SGCZ: variants seen among roughly 807,000 people sequenced by gnomAD.
SGCZ encodes zeta-sarcoglycan.
In SGCZ, 40 loss-of-function variants were observed where a neutral mutation model predicts 41.3. That is an observed-to-expected ratio of 0.97 (90% CI 0.75 to 1.26). SGCZ has a LOEUF of 1.26. Ranked by LOEUF, SGCZ falls within the 50% of genes most tolerant of loss-of-function variation. The pLI is 0.00. For missense variants in SGCZ, 552 were observed against 369.8 expected, an observed-to-expected ratio of 1.49 and a Z score of -4.04; for synonymous variants, 206 against 137.5, an observed-to-expected ratio of 1.50 and a Z score of -3.49.
chr8:14,139,577 T>C (rs550328503), intron 5 of SGCZ, among the ~76,000 whole-genome samples: 2 of 152,144 alleles, frequency 1.3e-5, no homozygotes, highest in South Asian at 4.2e-4. Context: ...ACAAATAAAC[T>C]AGAAAATCTA....
chr8:14,440,671 G>A (rs1190840516), intron 2 of SGCZ, among the ~76,000 whole-genome samples: 2 of 93,338 alleles, frequency 2.1e-5, no homozygotes, highest in African/African-American at 7.6e-5. Context: ...GTGTCTGTAT[G>A]TATATACATA....
rs535198233 is a variant in SGCZ at position 14,991,315 on chromosome 8, T to A, written c.39+246270A>T. 4.6e-5 allele frequency among the ~76,000 whole-genome samples: 7 copies of A among 152,244 alleles called. No homozygotes were observed. In the South Asian group the frequency reaches 1.2e-3, roughly 27 times the overall value. ...AAATATGATACAAGGACAAGCAGCA[T>A]CAGCACCACCAAGGAGTTTGTTGAA... On this transcript the variant is annotated intron_variant, in intron 1 of 7. Coordinates refer to ENST00000382080, the MANE Select transcript of SGCZ (RefSeq NM_139167.4).
intron 2 of SGCZ, among the ~76,000 whole-genome samples, chr8:14,471,046 G>GA (rs1288439888): frequency 2.0e-5 from 3 of 152,046 alleles, no homozygotes; most frequent in Non-Finnish European, 1.5e-5. Context: ...GAATACTTTG[G>GA]AAAAAAACAC....
intron 2 of SGCZ, among the ~76,000 whole-genome samples, chr8:14,334,346 G>A (rs1365943613): frequency 2.0e-5 from 3 of 151,952 alleles, no homozygotes; most frequent in Admixed American, 6.6e-5. Context: ...CAACAATCCT[G>A]TAAAACTGAC....
chr8:14,514,316 G>A (rs1195230087), intron 2 of SGCZ, among the ~76,000 whole-genome samples: 1 of 151,958 alleles, frequency 6.6e-6, no homozygotes, highest in African/African-American at 2.4e-5. Context: ...ATATAAATAG[G>A]CTTATTTTTG....
At chr8:14,879,377 C>G (rs1219907231) in intron 1 of SGCZ, 2 of 151,684 alleles carry the variant, frequency 1.3e-5, no homozygotes, top group African/African-American at 4.8e-5. Flanking sequence ...AGAAAAACAA[C>G]AAAACAAAAG....
Position 14,810,709 on chromosome 8 carries a change from C to T in SGCZ, c.40-255783G>A, listed in dbSNP as rs760376873. ...TTTCAACTTCTGGTTCAGTGACTTC[C>T]TGGCAGTAGCTTGAAATCAGCTATA... On this transcript the variant is annotated intron_variant, in intron 1 of 7. Transcript: ENST00000382080. Among the ~76,000 whole-genome samples, 66 of 151,974 alleles carry T rather than the reference C, an allele frequency of 4.3e-4. 1 individual carries two copies. Among genetic ancestry groups the T allele is most frequent in the Non-Finnish European group, 1.2e-4 (8 of 67,906 alleles).
At chr8:14,700,945 G>T (rs879350306) in intron 1 of SGCZ, among the ~76,000 whole-genome samples, 3 of 151,830 alleles carry the variant, frequency 2.0e-5, no homozygotes, top group Non-Finnish European at 4.4e-5. Flanking sequence ...GTGAAAGAAA[G>T]AAGAAATATA....
intron 2 of SGCZ, among the ~76,000 whole-genome samples, chr8:14,414,541 T>G (rs1799444818): frequency 6.6e-6 from 1 of 151,972 alleles, no homozygotes; most frequent in Non-Finnish European, 1.5e-5. Context: ...ATTAAACTTA[T>G]AAACCTCTTC....
chr8:15,236,440 G>GGGGC (rs958936492), intron 1 of SGCZ, among the ~76,000 whole-genome samples: 5 of 146,146 alleles, frequency 3.4e-5, no homozygotes, highest in African/African-American at 1.4e-4. Context: ...TCCAGCGGGT[G>GGGGC]GGGGGGTGCC....
At chr8:14,615,776 T>A (rs1207173211) in intron 1 of SGCZ, among the ~76,000 whole-genome samples, 1 of 152,220 alleles carries the variant, frequency 6.6e-6, no homozygotes. Context: ...AGAAATACTC[T>A]GTACCTCGCA....
intron 3 of SGCZ, among the ~76,000 whole-genome samples, chr8:14,261,587 G>C (rs549618009): frequency 6.6e-6 from 1 of 152,238 alleles, no homozygotes; most frequent in Non-Finnish European, 1.5e-5. Context: ...CCAATGCCAA[G>C]TATAAGCTAT....
At chr8:15,162,593 G>T (rs561907348) in intron 1 of SGCZ, among the ~76,000 whole-genome samples, 1 of 152,182 alleles carries the variant, frequency 6.6e-6, no homozygotes, top group African/African-American at 2.4e-5. Context: ...TTATGGCATC[G>T]GCCTTTGAAA....
chr8:14,626,297 G>A (rs1366895920), intron 1 of SGCZ, among the ~76,000 whole-genome samples: 5 of 152,080 alleles, frequency 3.3e-5, no homozygotes, highest in African/African-American at 9.6e-5. Context: ...TTGTCCTGAC[G>A]CTATCCCTCC....
intron 1 of SGCZ, among the ~76,000 whole-genome samples, chr8:14,575,862 T>A (rs1184555084): frequency 7.3e-6 from 1 of 136,060 alleles, no homozygotes; most frequent in Non-Finnish European, 1.5e-5. Flanking sequence ...GCCAAGAATG[T>A]GCCATTGCAC....
chr8:15,233,243 A>T (rs1439545975), intron 1 of SGCZ, among the ~76,000 whole-genome samples: 1 of 151,448 alleles, frequency 6.6e-6, no homozygotes, highest in Non-Finnish European at 1.5e-5. Context: ...ATAACAAAAT[A>T]CCACCTACTT....
At chr8:14,293,071 CTACAA>C (rs1255117161) in intron 3 of SGCZ, among the ~76,000 whole-genome samples, 1 of 151,830 alleles carries the variant, frequency 6.6e-6, no homozygotes, top group East Asian at 1.9e-4. Flanking sequence ...TATATTGACC[CTACAA>C]ATTTTTCAAA....
chr8:14,711,727 G>C (rs1298984889), intron 1 of SGCZ, among the ~76,000 whole-genome samples: 2 of 150,590 alleles, frequency 1.3e-5, no homozygotes, highest in East Asian at 2.0e-4. Flanking sequence ...GTCCTTTTTT[G>C]TGCTGACTTC....
At chr8:14,607,377 C>A (rs1805786172) in intron 1 of SGCZ, among the ~76,000 whole-genome samples, 1 of 152,076 alleles carries the variant, frequency 6.6e-6, no homozygotes, top group South Asian at 2.1e-4. Context: ...TTTTATGAAT[C>A]TCTTTTCTAA....
Sources: allele counts gnomAD v4.1 joint callset (sites outside exome capture counted in the v4.1 genomes callset), GRCh38; gene constraint gnomAD v4.1.1; transcripts MANE v1.5; gene names NCBI Gene and HGNC (gene_info 2026-07-23, HGNC 2026-07-21).